Variants in PIK3C3 observed in about 807,000 individuals in gnomAD.
PIK3C3 encodes the protein phosphatidylinositol 3-kinase catalytic subunit type 3.
Under a neutral mutation model 126.1 loss-of-function variants are expected in PIK3C3, and 95 were observed. The observed-to-expected ratio is 0.75, with a 90% CI of 0.64 to 0.89. The LOEUF (loss-of-function observed/expected upper bound fraction) is 0.89, where lower values mean the gene tolerates loss of function less well. Ranked by LOEUF, PIK3C3 falls within the 40% of genes least tolerant of loss-of-function variation. PIK3C3 has a pLI of 0.00. For synonymous variants in PIK3C3, 374 were observed against 360.0 expected (o/e 1.04, Z -0.44); for missense variants, 829 against 1,063.2 (o/e 0.78, Z 3.06).
At chr18:42,015,053 T>G (rs1010480738) in intron 11 of PIK3C3, among the ~76,000 whole-genome samples, 2 of 152,164 alleles carry the variant, frequency 1.3e-5, no homozygotes, top group Non-Finnish European at 2.9e-5. Flanking sequence ...CAACTTACGG[T>G]CTACTAGTCA....
At chr18:41,992,983 T>C (rs753376275) in intron 6 of PIK3C3, among the ~76,000 whole-genome samples, 39 of 152,090 alleles carry the variant, frequency 2.6e-4, no homozygotes, top group Non-Finnish European at 4.4e-4. Flanking sequence ...ATGAACGAAG[T>C]TTAAAAAAAA....
At chr18:41,969,127 G>GT (rs146933092) in intron 3 of PIK3C3, among the ~76,000 whole-genome samples, 11,767 of 147,656 alleles carry the variant, frequency 0.08, 873 homozygotes, top group East Asian at 0.26. Context: ...TCTGTACCTT[G>GT]TTTTTTTTTT....
At chr18:42,001,920 A>G (rs1216612985) in intron 9 of PIK3C3, among the ~76,000 whole-genome samples, 2 of 152,212 alleles carry the variant, frequency 1.3e-5, no homozygotes, top group Admixed American at 1.3e-4. Flanking sequence ...AGAAGTGGAA[A>G]ATAAATTCAT....
intron 4 of PIK3C3, among the ~76,000 whole-genome samples, chr18:41,983,952 C>CTT (rs533824517): frequency 7.9e-5 from 11 of 139,072 alleles, no homozygotes; most frequent in East Asian, 2.1e-4. Context: ...TAAATTATGC[C>CTT]TTTTTTTTTT....
intron 4 of PIK3C3, chr18:41,984,809 A>G (rs1032840171): frequency 2.6e-5 from 4 of 152,150 alleles, no homozygotes; most frequent in African/African-American, 4.8e-5. Context: ...CCTCAATGAA[A>G]TATGCCTTCT....
intron 15 of PIK3C3, 25 bp from the exon 16 acceptor site, chr18:42,033,801 A>G (rs1201307753): frequency 6.4e-7 from 1 of 1,555,778 alleles, no homozygotes; most frequent in Non-Finnish European, 8.7e-7. Context: ...TTTTAACCTC[A>G]TTAATCCTTT....
chr18:42,071,745 TAAAAG>T (rs890681003), intron 24 of PIK3C3, among the ~76,000 whole-genome samples: 1 of 151,306 alleles, frequency 6.6e-6, no homozygotes, highest in African/African-American at 2.4e-5. Flanking sequence ...ATTAATAAAA[TAAAAG>T]AAAACTTAGT....
At position 42,052,392 on chromosome 18, in the gene PIK3C3, C is replaced by T. The variant is rs928142065; in HGVS notation, c.2263+2787C>T. Among the ~76,000 whole-genome samples, 16 of 152,250 alleles carry T rather than the reference C, an allele frequency of 1.1e-4. No individual in the cohort carries two copies. In the South Asian group the frequency reaches 3.1e-3, roughly 30 times the overall value. ...CCCTAAAACGTGCATAAGTAAGATG[C>T]ACATTTTTTTCCTATTAAAACAGCA... On this transcript the variant is annotated intron_variant, in intron 21 of 24. Coordinates refer to ENST00000262039, the MANE Select transcript of PIK3C3 (RefSeq NM_002647.4).
chr18:42,076,621 G>T (rs1233309592), intron 24 of PIK3C3, among the ~76,000 whole-genome samples: 1 of 152,088 alleles, frequency 6.6e-6, no homozygotes, highest in African/African-American at 2.4e-5. Context: ...AAGAATACAG[G>T]CACTTGCTAT....
intron 4 of PIK3C3, among the ~76,000 whole-genome samples, chr18:41,977,344 T>G (rs183814267): frequency 6.6e-6 from 1 of 152,154 alleles, no homozygotes; most frequent in Non-Finnish European, 1.5e-5. Context: ...AAAAGGTGTA[T>G]GTTGTTCAAA....
intron 12 of PIK3C3, among the ~76,000 whole-genome samples, chr18:42,017,371 C>A (rs1026520380): frequency 8.5e-5 from 13 of 152,072 alleles, no homozygotes; most frequent in African/African-American, 2.7e-4. Context: ...CAATTATTCC[C>A]CAAATCTGCT....
chr18:41,956,500 GA>G (rs1653402585), intron 1 of PIK3C3, among the ~76,000 whole-genome samples: 1 of 146,108 alleles, frequency 6.8e-6, no homozygotes, highest in African/African-American at 2.6e-5. Flanking sequence ...TGCATTTTTT[GA>G]AATGTTTGAA....
In PIK3C3 at chr18:42,085,267, A is replaced by G. The variant is rs1986376151; in HGVS notation, c.*4130A>G. 6.6e-6 allele frequency: 1 copy of G among 152,136 alleles called. No individual in the cohort carries two copies. Among genetic ancestry groups the G allele is most frequent in the Non-Finnish European group, 1.5e-5 (1 of 68,022 alleles). 9.4% of individuals were successfully genotyped at this position (152,136 alleles called of 1,614,324 possible). A position where few individuals can be genotyped will look rare whatever the true frequency, so the allele number is the denominator to read the frequency against. On this transcript the variant is annotated 3_prime_UTR_variant, in exon 25 of 25. Transcript: ENST00000262039. The stretch of plus-strand genomic sequence containing the variant: ...CTTTTATCTACCCTGAGGGTAGATA[A>G]CCCATATTCCAAAATACAGTATTAT...
intron 7 of PIK3C3, among the ~76,000 whole-genome samples, chr18:41,993,913 G>T (rs545460485): frequency 6.6e-6 from 1 of 152,112 alleles, no homozygotes; most frequent in East Asian, 1.9e-4. Flanking sequence ...TGCAAAAGAG[G>T]TTTAATTAGA....
At chr18:41,957,197 A>G (rs1979824062) in intron 1 of PIK3C3, among the ~76,000 whole-genome samples, 1 of 152,182 alleles carries the variant, frequency 6.6e-6, no homozygotes, top group South Asian at 2.1e-4. Flanking sequence ...GAATAGATGA[A>G]TATGTGGTCA....
At position 42,015,457 on chromosome 18, in the gene PIK3C3, T is replaced by A. The variant is rs756732665; in HGVS notation, c.1326-19T>A. The stretch of plus-strand genomic sequence containing the variant: ...CAGAGTATTTTACATCTCAGTGATC[T>A]CTTTTATTACTTTTTCAGCTCCCAA... On this transcript the variant is annotated intron_variant, in intron 11 of 24. Coordinates refer to ENST00000262039, the MANE Select transcript of PIK3C3 (RefSeq NM_002647.4). 1 of 1,582,384 alleles carries A rather than the reference T, an allele frequency of 6.3e-7. No homozygotes were observed. Among genetic ancestry groups the A allele is most frequent in the Non-Finnish European group, 8.7e-7 (1 of 1,151,752 alleles).
In PIK3C3 at chr18:42,027,539, A is replaced by G. The variant is rs776003003; in HGVS notation, c.1581A>G (p.Ala527=). The change falls in exon 14 of 25, where the codon GCA becomes GCG. Residue 527 remains alanine (A), a synonymous_variant. Transcript: ENST00000262039. Reference sequence around the variant, plus strand: ...ACGTAATGAGAAGATTCAGCCAAGCATTGTTGAAGGTAACCCTTAAATGTG... The same window carrying G: ...ACGTAATGAGAAGATTCAGCCAAGCGTTGTTGAAGGTAACCCTTAAATGTG... ...YLNVMRRFSQ[A]LLKGDKSVRV... 8 of 1,605,216 alleles carry G rather than the reference A, an allele frequency of 5.0e-6. No individual in the cohort carries two copies. Among genetic ancestry groups the G allele is most frequent in the Non-Finnish European group, 6.0e-6 (7 of 1,172,552 alleles).
At chr18:42,073,690 T>C (rs1210224999) in intron 24 of PIK3C3, among the ~76,000 whole-genome samples, 1 of 151,896 alleles carries the variant, frequency 6.6e-6, no homozygotes, top group Admixed American at 6.6e-5. Context: ...ATGTCTCTTA[T>C]GTGCTGCCTC....
chr18:42,066,333 C>T (rs1407925718), intron 23 of PIK3C3, among the ~76,000 whole-genome samples: 2 of 152,150 alleles, frequency 1.3e-5, no homozygotes, highest in East Asian at 3.9e-4. Context: ...CACTGTTTGT[C>T]ATTTCTTCTT....
Sources: allele counts gnomAD v4.1 joint callset (sites outside exome capture counted in the v4.1 genomes callset), GRCh38; gene constraint gnomAD v4.1.1; transcripts MANE v1.5; gene names NCBI Gene and HGNC (gene_info 2026-07-23, HGNC 2026-07-21).